Variants in OSBPL6 observed in about 807,000 individuals in gnomAD.
OSBPL6 encodes oxysterol-binding protein-related protein 6.
Under a neutral mutation model 125.8 loss-of-function variants are expected in OSBPL6, and 49 were observed. That is an observed-to-expected ratio of 0.39 (90% CI 0.31 to 0.49). The LOEUF is 0.49. Ranked by LOEUF, OSBPL6 falls within the 20% of genes least tolerant of loss-of-function variation. OSBPL6 has a pLI of 0.88. For synonymous variants in OSBPL6, 394 were observed against 391.8 expected (o/e 1.01, Z -0.07); for missense variants, 986 against 1,135.4 (o/e 0.87, Z 1.89).
At chr2:178,268,318 G>A (rs1266559301) in intron 1 of OSBPL6, among the ~76,000 whole-genome samples, 8 of 152,104 alleles carry the variant, frequency 5.3e-5, no homozygotes, top group Non-Finnish European at 1.0e-4. Flanking sequence ...CTGACCTCAG[G>A]TGATCCATCC....
chr2:178,299,561 C>T (rs1432174224), intron 2 of OSBPL6, among the ~76,000 whole-genome samples: 1 of 151,610 alleles, frequency 6.6e-6, no homozygotes, highest in Non-Finnish European at 1.5e-5. Context: ...TCTATTCTTT[C>T]TTTCGCTCCT....
rs564594436 is a variant in OSBPL6, at chr2:178,237,767, A to G, written c.-351+43093A>G. Among the ~76,000 whole-genome samples, 3 of 152,312 alleles carry G rather than the reference A, an allele frequency of 2.0e-5. No individual in the cohort carries two copies. In the East Asian group the frequency reaches 5.8e-4, roughly 29 times the overall value. ...ACCAGAAATGTCTCCAGACATTGCCAAATGTCCCTGGAGGCACAAAGTTAC... is the reference window on the plus strand; with the variant it reads ...ACCAGAAATGTCTCCAGACATTGCCGAATGTCCCTGGAGGCACAAAGTTAC... On this transcript the variant is annotated intron_variant, in intron 1 of 24. Coordinates refer to ENST00000190611, the MANE Select transcript of OSBPL6 (RefSeq NM_032523.4).
At chr2:178,299,103 G>C (rs560409173) in intron 2 of OSBPL6, among the ~76,000 whole-genome samples, 1 of 152,324 alleles carries the variant, frequency 6.6e-6, no homozygotes, top group Non-Finnish European at 1.5e-5. Context: ...GTTAAAATAT[G>C]AGCTATGACA....
chr2:178,193,783 A>G (rs1451893713), upstream of OSBPL6, among the ~76,000 whole-genome samples: 1 of 152,086 alleles, frequency 6.6e-6, no homozygotes, highest in Non-Finnish European at 1.5e-5. Context: ...AAGGGTGTGG[A>G]AGGGTTGTAG....
intron 8 of OSBPL6, among the ~76,000 whole-genome samples, chr2:178,334,792 G>C (rs1381067018): frequency 6.6e-6 from 1 of 152,186 alleles, no homozygotes; most frequent in African/African-American, 2.4e-5. Context: ...AAAGTGCTGG[G>C]ATTACAGGCG....
intron 1 of OSBPL6, among the ~76,000 whole-genome samples, chr2:178,212,746 A>G (rs535320513): frequency 1.1e-4 from 16 of 152,318 alleles, no homozygotes; most frequent in African/African-American, 3.8e-4. Flanking sequence ...TAAAACTAAA[A>G]TAGCTCATTG....
Position 178,349,397 on chromosome 2 carries a change from C to T in OSBPL6, c.1153+8C>T. 6.2e-7 allele frequency: 1 copy of T among 1,612,558 alleles called. No individual in the cohort carries two copies. Among genetic ancestry groups the T allele is most frequent in the Non-Finnish European group, 8.5e-7 (1 of 1,179,122 alleles). ...GTCTAATCGCACAGAAAGGTAAGAA[C>T]AAAAATAATGCGCCCTTTAAAGAAG... On this transcript the variant is annotated splice_region_variant and intron_variant, in intron 12 of 24. Transcript: ENST00000190611.
intron 1 of OSBPL6, among the ~76,000 whole-genome samples, chr2:178,207,942 A>G (rs1177574872): frequency 6.6e-6 from 1 of 152,168 alleles, no homozygotes; most frequent in African/African-American, 2.4e-5. Flanking sequence ...TGGAGATTGA[A>G]TTTAGAGAAC....
chr2:178,267,941 G>A (rs1021819475), intron 1 of OSBPL6, among the ~76,000 whole-genome samples: 2 of 152,154 alleles, frequency 1.3e-5, no homozygotes, highest in African/African-American at 2.4e-5. Context: ...AAGACCATGC[G>A]TGGTGGGCTT....
intron 9 of OSBPL6, 122 bp downstream of exon 9, chr2:178,336,555 C>A: frequency 1.8e-6 from 2 of 1,104,710 alleles, no homozygotes; most frequent in Non-Finnish European, 2.6e-6. Flanking sequence ...TTGACCTTTC[C>A]TTGCTCTTTC....
intron 1 of OSBPL6, among the ~76,000 whole-genome samples, chr2:178,239,699 C>T (rs951630435): frequency 6.7e-5 from 10 of 149,154 alleles, no homozygotes; most frequent in African/African-American, 2.5e-4. Context: ...GATCTCGGCT[C>T]ACTGCAAGCT....
At chr2:178,226,841 A>T (rs1296287735) in intron 1 of OSBPL6, among the ~76,000 whole-genome samples, 1 of 152,220 alleles carries the variant, frequency 6.6e-6, no homozygotes, top group Non-Finnish European at 1.5e-5. Context: ...TTCTTAAGGC[A>T]CAAAAAGCAT....
intron 1 of OSBPL6, among the ~76,000 whole-genome samples, chr2:178,197,672 G>A (rs541713638): frequency 4.6e-5 from 7 of 152,242 alleles, no homozygotes; most frequent in African/African-American, 1.7e-4. Flanking sequence ...TTATGTAAAT[G>A]TGGTTTCTCT....
intron 12 of OSBPL6, among the ~76,000 whole-genome samples, chr2:178,354,227 C>T (rs1001550398): frequency 6.6e-6 from 1 of 152,160 alleles, no homozygotes; most frequent in Non-Finnish European, 1.5e-5. Flanking sequence ...ATCAAATTCA[C>T]ACATAAGAAT....
At chr2:178,195,326 T>C (rs2088818773) in intron 1 of OSBPL6, among the ~76,000 whole-genome samples, 1 of 152,212 alleles carries the variant, frequency 6.6e-6, no homozygotes, top group South Asian at 2.1e-4. Flanking sequence ...CAAGTCTGCC[T>C]TCCCTGGTTC....
At chr2:178,348,802 C>G (rs1690967031) in intron 11 of OSBPL6, among the ~76,000 whole-genome samples, 2 of 152,180 alleles carry the variant, frequency 1.3e-5, no homozygotes, top group African/African-American at 4.8e-5. Flanking sequence ...ATATGCATCT[C>G]TTGAATTTTC....
At chr2:178,354,144 A>C (rs1691553358) in intron 12 of OSBPL6, among the ~76,000 whole-genome samples, 1 of 152,236 alleles carries the variant, frequency 6.6e-6, no homozygotes, top group African/African-American at 2.4e-5. Flanking sequence ...GCCAAATTGT[A>C]AAGACCATTG....
chr2:178,374,136 T>G, intron 15 of OSBPL6, 109 bp downstream of exon 15: 3 of 1,343,664 alleles, frequency 2.2e-6, no homozygotes, highest in Non-Finnish European at 3.0e-6. Context: ...TGTTTTTTTG[T>G]TTACATCATA....
At chr2:178,363,338 C>G (rs1162699631) in intron 13 of OSBPL6, among the ~76,000 whole-genome samples, 3 of 152,148 alleles carry the variant, frequency 2.0e-5, no homozygotes, top group Non-Finnish European at 4.4e-5. Flanking sequence ...TGTTCATTCC[C>G]TTATTCATTG....
Sources: allele counts gnomAD v4.1 joint callset (sites outside exome capture counted in the v4.1 genomes callset), GRCh38; gene constraint gnomAD v4.1.1; transcripts MANE v1.5; gene names NCBI Gene and HGNC (gene_info 2026-07-23, HGNC 2026-07-21).